Variants in MAN2A1 observed in about 807,000 individuals in gnomAD.
The protein encoded by MAN2A1 is alpha-mannosidase 2.
MAN2A1 carries 76 observed loss-of-function variants against 142.6 expected under a neutral mutation model. That is an observed-to-expected ratio of 0.53 (90% CI 0.44 to 0.65). The LOEUF (loss-of-function observed/expected upper bound fraction) is 0.65. Among genes scored for constraint, MAN2A1 ranks in the 30% least tolerant of loss-of-function variants. MAN2A1 has a pLI of 0.00. For synonymous variants in MAN2A1, 559 were observed against 473.2 expected (o/e 1.18, Z -2.35); for missense variants, 1,311 against 1,365.1 (o/e 0.96, Z 0.62).
intron 16 of MAN2A1, among the ~76,000 whole-genome samples, chr5:109,838,820 T>TAAA (rs1409331832): frequency 2.0e-5 from 3 of 152,184 alleles, no homozygotes; most frequent in Non-Finnish European, 4.4e-5. Flanking sequence ...TAAAGAGCTT[T>TAAA]AAGTGTTTGT....
At chr5:109,745,887 G>T (rs1252169235) in intron 4 of MAN2A1, among the ~76,000 whole-genome samples, 4 of 152,180 alleles carry the variant, frequency 2.6e-5, no homozygotes, top group African/African-American at 9.7e-5. Flanking sequence ...AAAGCACAGG[G>T]ATTATAGGTG....
At chr5:109,693,045 G>A (rs1750717009) in intron 1 of MAN2A1, among the ~76,000 whole-genome samples, 1 of 152,162 alleles carries the variant, frequency 6.6e-6, no homozygotes. Context: ...TTCCTAACAG[G>A]TCCATGGCCC....
chr5:109,775,443 A>C lies in MAN2A1; in HGVS notation c.1374+478A>C, dbSNP rs185220091. Among the ~76,000 whole-genome samples, 6 of 151,552 alleles carry C rather than the reference A, an allele frequency of 4.0e-5. No individual in the cohort carries two copies. The East Asian group carries it at 1.2e-3, about 30-fold the overall frequency. ...CTAACATTTTTTTTTAAGTGAGAAG[A>C]CTTCTAAAATTAATCGTTTGCCTAT... On this transcript the variant is annotated intron_variant, in intron 8 of 21. Coordinates refer to ENST00000261483, the MANE Select transcript of MAN2A1 (RefSeq NM_002372.4).
At chr5:109,836,372 T>C (rs1755055464) in intron 16 of MAN2A1, among the ~76,000 whole-genome samples, 2 of 151,948 alleles carry the variant, frequency 1.3e-5, no homozygotes, top group Non-Finnish European at 2.9e-5. Context: ...CACCTCGGCC[T>C]CCCAAAGTAC....
At chr5:109,712,678 A>G (rs1751334703) in intron 1 of MAN2A1, among the ~76,000 whole-genome samples, 1 of 152,322 alleles carries the variant, frequency 6.6e-6, no homozygotes, top group Non-Finnish European at 1.5e-5. Flanking sequence ...GTTCAAAGAC[A>G]GGGGCCCGTA....
chr5:109,708,789 A>G (rs143929651), intron 1 of MAN2A1, among the ~76,000 whole-genome samples: 2,363 of 152,252 alleles, frequency 0.016, 33 homozygotes, highest in Middle Eastern at 0.027. Flanking sequence ...TGGAGTTCTG[A>G]CATCCAATGG....
At chr5:109,764,348 ATACTTT>A (rs1287422401) in intron 5 of MAN2A1, among the ~76,000 whole-genome samples, 2 of 152,048 alleles carry the variant, frequency 1.3e-5, no homozygotes, top group Non-Finnish European at 2.9e-5. Context: ...TTTTACTTTT[ATACTTT>A]TACTTTTGAT....
intron 10 of MAN2A1, among the ~76,000 whole-genome samples, chr5:109,785,351 C>CT (rs551476336): frequency 2.7e-3 from 381 of 142,054 alleles, no homozygotes; most frequent in Middle Eastern, 7.2e-3. Flanking sequence ...TTGTATACTT[C>CT]TTTTTTTTTT....
chr5:109,749,941 A>G (rs1309523685), intron 4 of MAN2A1, among the ~76,000 whole-genome samples: 5 of 152,064 alleles, frequency 3.3e-5, no homozygotes, highest in South Asian at 2.1e-4. Flanking sequence ...ATGTACAGCT[A>G]CAATCCATCT....
At chr5:109,768,982 A>C (rs1753065962) in intron 6 of MAN2A1, among the ~76,000 whole-genome samples, 1 of 152,248 alleles carries the variant, frequency 6.6e-6, no homozygotes, top group South Asian at 2.1e-4. Context: ...GGGAAATTCC[A>C]GTCTAATTTG....
At chr5:109,860,849 G>T (rs995619243) in intron 20 of MAN2A1, among the ~76,000 whole-genome samples, 1 of 152,132 alleles carries the variant, frequency 6.6e-6, no homozygotes, top group Non-Finnish European at 1.5e-5. Context: ...TATATTTTTT[G>T]ATAAGTTATA....
intron 6 of MAN2A1, among the ~76,000 whole-genome samples, chr5:109,768,764 C>T (rs907320299): frequency 1.3e-5 from 2 of 152,004 alleles, no homozygotes; most frequent in African/African-American, 4.8e-5. Context: ...GAAAATTAAA[C>T]CTGTAGGGAG....
At chr5:109,704,073 G>T (rs1372638549) in intron 1 of MAN2A1, among the ~76,000 whole-genome samples, 1 of 152,162 alleles carries the variant, frequency 6.6e-6, no homozygotes, top group East Asian at 1.9e-4. Flanking sequence ...ATTATTTGAG[G>T]TCAGGGCTTG....
chr5:109,802,972 C>T (rs1754070674), intron 12 of MAN2A1, among the ~76,000 whole-genome samples: 1 of 151,994 alleles, frequency 6.6e-6, no homozygotes, highest in South Asian at 2.1e-4. Flanking sequence ...TTTTTACTGT[C>T]ATTTAGAAGT....
At chr5:109,835,773 T>C (rs563268618) in intron 16 of MAN2A1, among the ~76,000 whole-genome samples, 30 of 152,288 alleles carry the variant, frequency 2.0e-4, no homozygotes, top group African/African-American at 7.0e-4. Flanking sequence ...CTTGGAAAAG[T>C]ATACTTTGCA....
chr5:109,768,875 A>G lies in MAN2A1; in HGVS notation c.1009+1167A>G, dbSNP rs77253677. 1.9e-3 allele frequency among the ~76,000 whole-genome samples: 287 copies of G among 152,308 alleles called. 2 individuals are homozygous for G. The highest frequency in any genetic ancestry group is 3.2e-3 in the Non-Finnish European group (218 of 68,024). ...GAATTTGAAGAAGCCCTACTTAAAC[A>G]ATTGCCCATAAATATCAGTTAGTAT... is the stretch of plus-strand genomic sequence containing the variant. On this transcript the variant is annotated intron_variant, in intron 6 of 21. Coordinates refer to ENST00000261483, the MANE Select transcript of MAN2A1 (RefSeq NM_002372.4).
intron 10 of MAN2A1, among the ~76,000 whole-genome samples, chr5:109,787,719 T>C (rs919323080): frequency 4.6e-5 from 7 of 152,070 alleles, no homozygotes; most frequent in African/African-American, 1.4e-4. Context: ...ACTCTGCAGA[T>C]TCAGGCTGCC....
intron 16 of MAN2A1, chr5:109,840,141 T>G: frequency 5.3e-6 from 1 of 187,564 alleles, no homozygotes; most frequent in Non-Finnish European, 1.1e-5. Flanking sequence ...TGTTCCAGTT[T>G]CTTCTCAAGG....
intron 7 of MAN2A1, among the ~76,000 whole-genome samples, chr5:109,774,529 A>G (rs574659526): frequency 2.0e-5 from 3 of 152,254 alleles, no homozygotes; most frequent in Admixed American, 2.0e-4. Flanking sequence ...TTCTCCAAAG[A>G]TAATCCATTG....
Sources: allele counts gnomAD v4.1 joint callset (sites outside exome capture counted in the v4.1 genomes callset), GRCh38; gene constraint gnomAD v4.1.1; transcripts MANE v1.5; gene names NCBI Gene and HGNC (gene_info 2026-07-23, HGNC 2026-07-21).